Variants in SMPDL3B observed in about 807,000 individuals in gnomAD.
SMPDL3B encodes the protein acid sphingomyelinase-like phosphodiesterase 3b.
Under a neutral mutation model 37.9 loss-of-function variants are expected in SMPDL3B, and 31 were observed. That is an observed-to-expected ratio of 0.82 (90% CI 0.61 to 1.10). The LOEUF is 1.10. Ranked by LOEUF, SMPDL3B falls within the 50% of genes least tolerant of loss-of-function variation. The pLI, the probability that SMPDL3B is intolerant of heterozygous loss-of-function variation, is 0.00. For missense variants in SMPDL3B, 525 were observed against 597.8 expected, an observed-to-expected ratio of 0.88 and a Z score of 1.27; for synonymous variants, 235 against 242.6, an observed-to-expected ratio of 0.97 and a Z score of 0.29.
Position 27,935,036 on chromosome 1 carries a change from C to A in SMPDL3B, c.-148C>A. The A allele has an allele frequency of 3.2e-6, 2 of 619,384 alleles. No individual in the cohort carries two copies. The highest frequency in any genetic ancestry group is 2.0e-5 in the South Asian group (1 of 50,970). 38.4% of individuals were successfully genotyped at this position (619,384 alleles called of 1,614,324 possible). On this transcript the variant is annotated 5_prime_UTR_variant, in exon 1 of 8. Transcript: ENST00000373894. Reference sequence around the variant, plus strand: ...GGCAAAGGAGGAAGAGCCAGAGGATCCAGACGCCTTGGAGGACTTGGAACA... The same window carrying A: ...GGCAAAGGAGGAAGAGCCAGAGGATACAGACGCCTTGGAGGACTTGGAACA...
intron 3 of SMPDL3B, among the ~76,000 whole-genome samples, chr1:27,950,478 G>C (rs1424973746): frequency 6.6e-6 from 1 of 152,122 alleles, no homozygotes; most frequent in Non-Finnish European, 1.5e-5. Context: ...TTTTTTGAGA[G>C]AAGGTCTTGC....
In SMPDL3B at chr1:27,945,449, A is replaced by C. The variant is rs1038948175; in HGVS notation, c.275+4A>C. The stretch of plus-strand genomic sequence containing the variant: ...CAGACTTCATTCTCTGGACTGGGTG[A>C]GTACAGTTGAGGTGGCAGCTACCCT... On this transcript the variant is annotated splice_donor_region_variant and intron_variant, in intron 2 of 7. Coordinates refer to ENST00000373894, the MANE Select transcript of SMPDL3B (RefSeq NM_014474.4). The surrounding 1 kb of genome is among the most constrained non-coding windows in gnomAD (Gnocchi z 4.0). The C allele has an allele frequency of 3.7e-6, 6 of 1,612,842 alleles. 1 individual carries two copies. In the South Asian group the frequency reaches 6.6e-5, roughly 18 times the overall value.
chr1:27,954,368 G>A lies in SMPDL3B; in HGVS notation c.532G>A (p.Glu178Lys). The A allele has an allele frequency of 6.2e-7, 1 of 1,613,964 alleles. No homozygotes were observed. Among genetic ancestry groups the A allele is most frequent in the Non-Finnish European group, 8.5e-7 (1 of 1,179,942 alleles). ...GGCTGTGACAGGTGCCTTCTACTGT[G>A]AGAAGCTGCCGGGTCCCAGCGGGGC... ...ALFKKGAFYC[E>K]KLPGPSGAGR... The change falls in exon 5 of 8, where the codon GAG becomes AAG. Residue 178 changes from glutamate (E) to lysine (K), a missense_variant. Physicochemically the swap from Glu to Lys is moderately conservative, Grantham distance 56 (BLOSUM62 1). Transcript: ENST00000373894.
Position 27,935,222 on chromosome 1 carries a change from G to C in SMPDL3B, c.39G>C (p.Trp13Cys). 6.2e-7 allele frequency: 1 copy of C among 1,613,746 alleles called. No homozygotes were observed. Among genetic ancestry groups the C allele is most frequent in the Non-Finnish European group, 8.5e-7 (1 of 1,179,616 alleles). ...LLAWLIFLAN[W>C]GGARAEPGKF... ...CCTGGCTGATTTTCCTGGCTAACTG[G>C]GGAGGTGCCAGGGCTGAACCAGGTA... The change falls in exon 1 of 8, where the codon TGG becomes TGC. Residue 13 changes from tryptophan (W) to cysteine (C), a missense_variant. Coordinates refer to ENST00000373894, the MANE Select transcript of SMPDL3B (RefSeq NM_014474.4).
intron 1 of SMPDL3B, among the ~76,000 whole-genome samples, chr1:27,936,983 T>A (rs564281491): frequency 6.1e-4 from 93 of 152,198 alleles, no homozygotes; most frequent in African/African-American, 2.2e-3. Flanking sequence ...ATTGCACCAC[T>A]GCACTCCAGC....
chr1:27,955,664 T>C lies in SMPDL3B; in HGVS notation c.691-20T>C, dbSNP rs1428104218. 13 of 1,603,578 alleles carry C rather than the reference T, an allele frequency of 8.1e-6. No homozygotes were observed. The highest frequency in any genetic ancestry group is 1.0e-5 in the Non-Finnish European group (12 of 1,172,496). ...GGAGAGGGCATCTGTGAGCCTCTTCTGGGAACCCCTCCCTTGTAGGTGTAC... is the reference window on the plus strand; with the variant it reads ...GGAGAGGGCATCTGTGAGCCTCTTCCGGGAACCCCTCCCTTGTAGGTGTAC... On this transcript the variant is annotated intron_variant, in intron 5 of 7. Transcript: ENST00000373894.
intron 3 of SMPDL3B, among the ~76,000 whole-genome samples, chr1:27,951,052 C>A (rs997581007): frequency 3.3e-5 from 5 of 150,322 alleles, no homozygotes; most frequent in Non-Finnish European, 7.4e-5. Context: ...CATGAGCCAC[C>A]ATGCCTGGCC....
At position 27,935,052 on chromosome 1, in the gene SMPDL3B, A is replaced by G. The variant is rs968751019; in HGVS notation, c.-132A>G. ...CCAGAGGATCCAGACGCCTTGGAGGACTTGGAACACCTGTAACAGGACAAG... is the reference window on the plus strand; with the variant it reads ...CCAGAGGATCCAGACGCCTTGGAGGGCTTGGAACACCTGTAACAGGACAAG... On this transcript the variant is annotated 5_prime_UTR_variant, in exon 1 of 8. Transcript: ENST00000373894. 9.1e-6 allele frequency: 6 copies of G among 657,982 alleles called. No individual in the cohort carries two copies. The Admixed American group carries it at 1.6e-4, about 17-fold the overall frequency. The allele number at this position is 657,982 out of a possible 1,614,324, so 40.8% of individuals were successfully genotyped here.
In SMPDL3B at chr1:27,953,237, G is replaced by A. The variant is rs1300999439; in HGVS notation, c.396G>A (p.Leu132=). The change falls in exon 4 of 8, where the codon TTG becomes TTA. Residue 132 remains leucine (L), a synonymous_variant. Coordinates refer to ENST00000373894, the MANE Select transcript of SMPDL3B (RefSeq NM_014474.4). ...TAGATACTAAAGTCTATGCTGCTTT[G>A]GGAAATCATGATTTTCACCCCAAAA... ...VFPDTKVYAA[L]GNHDFHPKNQ... 2 of 1,613,308 alleles carry A rather than the reference G, an allele frequency of 1.2e-6. No individual in the cohort carries two copies. The highest frequency in any genetic ancestry group is 1.6e-4 in the Middle Eastern group (1 of 6,062).
chr1:27,958,490 C>T lies in SMPDL3B; in HGVS notation c.1020C>T (p.Tyr340=), dbSNP rs769964559. 2 of 1,602,062 alleles carry T rather than the reference C, an allele frequency of 1.2e-6. No individual in the cohort carries two copies. Among genetic ancestry groups the T allele is most frequent in the South Asian group, 2.2e-5 (2 of 90,670 alleles). ...ATLSLKDMVT[Y]FMNLSQANAQ... ...CCTTTTTCCAGGACATGGTGACCTA[C>T]TTCATGAACCTGAGCCAGGCGAATG... Residue 340 remains tyrosine, a synonymous_variant, in exon 8 of 8, where the codon TAC becomes TAT. Coordinates refer to ENST00000373894, the MANE Select transcript of SMPDL3B (RefSeq NM_014474.4). The surrounding 1 kb of genome is among the most constrained non-coding windows in gnomAD (Gnocchi z 5.6).
chr1:27,951,105 T>C (rs1255801872), intron 3 of SMPDL3B, among the ~76,000 whole-genome samples: 3 of 152,190 alleles, frequency 2.0e-5, no homozygotes, highest in Admixed American at 6.5e-5. Flanking sequence ...TAAGATTTTG[T>C]AGTTTCTACT....
At chr1:27,954,610 C>A in intron 5 of SMPDL3B, 84 bp downstream of exon 5, 1 of 1,282,660 alleles carries the variant, frequency 7.8e-7, no homozygotes, top group Non-Finnish European at 1.1e-6. Context: ...ACCCACCCAC[C>A]CAAAGATGCC....
At chr1:27,954,627 C>G in intron 5 of SMPDL3B, 101 bp downstream of exon 5, 1 of 1,122,804 alleles carries the variant, frequency 8.9e-7, no homozygotes, top group Non-Finnish European at 1.3e-6. Context: ...TGCCCATATC[C>G]CAGAGGGTCC....
At chr1:27,941,032 C>T (rs544169644) in intron 1 of SMPDL3B, among the ~76,000 whole-genome samples, 1 of 152,280 alleles carries the variant, frequency 6.6e-6, no homozygotes, top group Non-Finnish European at 1.5e-5. Flanking sequence ...TTGCCCAAAG[C>T]CCCTAGGCAA....
In SMPDL3B at chr1:27,945,485, TCTG is replaced by T. The variant is rs1334076994; in HGVS notation, c.275+43_275+45del. ...GGTGGCAGCTACCCTTTGCCAGGCA[TCTG>T]CTATGTGCTACATACCAGTCTGGCC... On this transcript the variant is annotated intron_variant, in intron 2 of 7. Transcript: ENST00000373894. This position sits in a 1 kb window ranked among gnomAD's most constrained non-coding sequence, Gnocchi z 4.0. 2.6e-6 allele frequency: 4 copies of T among 1,518,178 alleles called. No homozygotes were observed. In the East Asian group the frequency reaches 9.0e-5, roughly 34 times the overall value. 94.0% of individuals were successfully genotyped at this position (1,518,178 alleles called of 1,614,324 possible).
Position 27,954,544 on chromosome 1 carries a change from T to C in SMPDL3B, c.690+18T>C. The C allele has an allele frequency of 6.2e-7, 1 of 1,611,404 alleles. No individual in the cohort carries two copies. Among genetic ancestry groups the C allele is most frequent in the Non-Finnish European group, 8.5e-7 (1 of 1,178,230 alleles). On this transcript the variant is annotated intron_variant, in intron 5 of 7. Transcript: ENST00000373894. ...GGGACATGGTAAGAGGCCCTGCTTC[T>C]TTCTTTTCTCATCTGGGGTTATTTC...
chr1:27,938,365 C>T (rs1446514213), intron 1 of SMPDL3B, among the ~76,000 whole-genome samples: 1 of 152,204 alleles, frequency 6.6e-6, no homozygotes, highest in African/African-American at 2.4e-5. Flanking sequence ...ATGGAAGAGC[C>T]AGGATTCAAA....
intron 5 of SMPDL3B, 50 bp from the exon 6 acceptor site, chr1:27,955,634 G>T (rs373786450): frequency 6.4e-7 from 1 of 1,559,050 alleles, no homozygotes; most frequent in Non-Finnish European, 8.8e-7. Context: ...TAGAAATGAG[G>T]GTCTGGAGAG....
chr1:27,947,140 G>A (rs1373667030), intron 2 of SMPDL3B, among the ~76,000 whole-genome samples: 3 of 151,728 alleles, frequency 2.0e-5, no homozygotes, highest in African/African-American at 7.3e-5. Flanking sequence ...GGGTTCAAGC[G>A]ATTCTCCTGC....
Sources: gnomAD v4.1 joint callset for allele counts (sites outside exome capture counted in the v4.1 genomes callset) on GRCh38, gnomAD v4.1.1 for gene constraint, Gnocchi (gnomAD v3.1) non-coding constraint, MANE v1.5 for transcripts, NCBI Gene and HGNC (gene_info 2026-07-23, HGNC 2026-07-21) for gene names.